Variants in SEC23B observed in about 807,000 individuals in gnomAD.
SEC23B encodes SEC23 homolog B, COPII component, also known as protein transport protein Sec23B.
In SEC23B, 77 loss-of-function variants were observed where a neutral mutation model predicts 104.3. That is an observed-to-expected ratio of 0.74 (90% CI 0.61 to 0.89). The LOEUF is 0.89. SEC23B is among the 40% of genes least tolerant of loss of function. The probability of loss-of-function intolerance (pLI) is 0.00; values close to 1 mark genes in which losing one functional copy is unlikely to be tolerated. For synonymous variants in SEC23B, 338 were observed against 332.5 expected, an observed-to-expected ratio of 1.02 and a Z score of -0.18; for missense variants, 885 against 949.4, an observed-to-expected ratio of 0.93 and a Z score of 0.89.
chr20:18,511,655 C>T (rs2059983345), intron 2 of SEC23B, among the ~76,000 whole-genome samples: 1 of 151,894 alleles, frequency 6.6e-6, no homozygotes, highest in Non-Finnish European at 1.5e-5. Context: ...ATTTAATGTG[C>T]CCATATGTGA....
Position 18,543,004 on chromosome 20 carries a change from C to T in SEC23B, c.1512-15C>T, listed in dbSNP as rs746854389. ...CTCCTAAACATAAGCATGGCACTAA[C>T]TCTGGAATTGTCAGTTGGGCAGATG... is the stretch of plus-strand genomic sequence containing the variant. On this transcript the variant is annotated splice_polypyrimidine_tract_variant and intron_variant, in intron 13 of 19. Coordinates refer to ENST00000650089, the MANE Select transcript of SEC23B (RefSeq NM_006363.6). 2 of 1,614,126 alleles carry T rather than the reference C, an allele frequency of 1.2e-6. No homozygotes were observed. Among genetic ancestry groups the T allele is most frequent in the South Asian group, 2.2e-5 (2 of 91,092 alleles).
intron 19 of SEC23B, among the ~76,000 whole-genome samples, chr20:18,556,386 C>A (rs977418714): frequency 9.9e-5 from 15 of 152,182 alleles, no homozygotes; most frequent in Non-Finnish European, 1.9e-4. Flanking sequence ...ACCATTCCCC[C>A]ACAGATACTG....
At chr20:18,556,851 G>C (rs755348108) in intron 19 of SEC23B, among the ~76,000 whole-genome samples, 10 of 152,124 alleles carry the variant, frequency 6.6e-5, no homozygotes, top group Non-Finnish European at 1.5e-4. Flanking sequence ...ACAAAAATTA[G>C]CTGGTGTGGT....
rs78554040 is a variant in SEC23B, at chr20:18,555,458, C to A, written c.2214+285C>A. 5.0e-3 allele frequency among the ~76,000 whole-genome samples: 762 copies of A among 152,152 alleles called. 9 individuals carry two copies. The highest frequency in any genetic ancestry group is 0.039 in the South Asian group (186 of 4,800). ...CTGTGGCCTCCATGGTGGTGTCCTC[C>A]GTCACACAGCCTCATGGCCCCTAGT... is the stretch of plus-strand genomic sequence containing the variant. On this transcript the variant is annotated intron_variant, in intron 19 of 19. Coordinates refer to ENST00000650089, the MANE Select transcript of SEC23B (RefSeq NM_006363.6).
intron 9 of SEC23B, among the ~76,000 whole-genome samples, chr20:18,529,612 C>G (rs560040233): frequency 1.3e-5 from 2 of 152,296 alleles, no homozygotes; most frequent in Non-Finnish European, 2.9e-5. Flanking sequence ...TGCTGGAGCT[C>G]TAGCCATTTA....
At chr20:18,539,369 G>A (rs1346469394) in intron 12 of SEC23B, among the ~76,000 whole-genome samples, 1 of 151,224 alleles carries the variant, frequency 6.6e-6, no homozygotes, top group African/African-American at 2.4e-5. Flanking sequence ...AATTAGCTGG[G>A]TGTGGTGGCG....
chr20:18,555,332 A>C (rs903092687), intron 19 of SEC23B, among the ~76,000 whole-genome samples, 159 bp downstream of exon 19: 10 of 151,866 alleles, frequency 6.6e-5, no homozygotes, highest in African/African-American at 1.9e-4. Flanking sequence ...CAAGTTGAAT[A>C]ACATTACTGG....
In SEC23B at chr20:18,548,589, T is replaced by A. The variant is rs3736775; in HGVS notation, c.1744-20T>A. The A allele has an allele frequency of 0.39, 627,592 of 1,608,286 alleles. 125,909 individuals are homozygous for A. Among genetic ancestry groups the A allele is most frequent in the South Asian group, 0.44 (40,361 of 90,900 alleles). On this transcript the variant is annotated intron_variant, in intron 15 of 19. Transcript: ENST00000650089. Reference sequence around the variant, plus strand: ...GGTTACAATTATATGCATTTCTCTTTCCGTTCTTTGTGAATGCAGTTTATG... The same window carrying A: ...GGTTACAATTATATGCATTTCTCTTACCGTTCTTTGTGAATGCAGTTTATG...
chr20:18,544,669 G>GT lies in SEC23B; in HGVS notation c.1666-1284dup, dbSNP rs917603705. Among the ~76,000 whole-genome samples the GT allele has an allele frequency of 5.9e-5, 9 of 152,310 alleles. No individual in the cohort carries two copies. The East Asian group carries it at 1.7e-3, about 29-fold the overall frequency. On this transcript the variant is annotated intron_variant, in intron 14 of 19. Coordinates refer to ENST00000650089, the MANE Select transcript of SEC23B (RefSeq NM_006363.6). ...ACGTGGCTGTGATTGTTAAGCGGGG[G>GT]TTTGATGTCAGCATGATGCTTGTGT...
At chr20:18,521,280 A>G (rs577593134) in intron 4 of SEC23B, among the ~76,000 whole-genome samples, 19 of 152,230 alleles carry the variant, frequency 1.2e-4, no homozygotes, top group African/African-American at 4.6e-4. Flanking sequence ...CTGGAATCTA[A>G]TTTTTGGAGC....
At chr20:18,558,178 C>G (rs2060458984) in intron 19 of SEC23B, among the ~76,000 whole-genome samples, 1 of 152,224 alleles carries the variant, frequency 6.6e-6, no homozygotes, top group South Asian at 2.1e-4. Context: ...TTCTGACTAA[C>G]AGCCCTTTTC....
chr20:18,552,919 T>C (rs888098000), intron 17 of SEC23B, among the ~76,000 whole-genome samples: 1 of 152,230 alleles, frequency 6.6e-6, no homozygotes, highest in African/African-American at 2.4e-5. Context: ...TGGGAAGATG[T>C]ACATCGGTTA....
At chr20:18,540,293 G>A (rs2060275924) in intron 12 of SEC23B, among the ~76,000 whole-genome samples, 1 of 152,246 alleles carries the variant, frequency 6.6e-6, no homozygotes, top group Non-Finnish European at 1.5e-5. Flanking sequence ...TAGCAGGCAT[G>A]AAAACGTTTA....
At chr20:18,547,314 A>G (rs768199456) in intron 15 of SEC23B, among the ~76,000 whole-genome samples, 1 of 152,094 alleles carries the variant, frequency 6.6e-6, no homozygotes, top group Non-Finnish European at 1.5e-5. Flanking sequence ...TCATGGGCTT[A>G]TTGGAAGGAT....
intron 10 of SEC23B, among the ~76,000 whole-genome samples, chr20:18,531,266 G>C (rs944243645): frequency 6.6e-6 from 1 of 152,208 alleles, no homozygotes; most frequent in East Asian, 1.9e-4. Context: ...GCAGCCACAC[G>C]GTGGTCTGCA....
chr20:18,555,281 CG>C (rs1400991157), intron 19 of SEC23B, 108 bp downstream of exon 19: 1 of 906,486 alleles, frequency 1.1e-6, no homozygotes, highest in Non-Finnish European at 1.8e-6. Flanking sequence ...AGAATAACTG[CG>C]TAAGTTGGGT....
intron 13 of SEC23B, among the ~76,000 whole-genome samples, chr20:18,542,726 C>A (rs1266113272): frequency 1.3e-5 from 2 of 152,178 alleles, no homozygotes; most frequent in Admixed American, 6.5e-5. Context: ...CCTCAACCTC[C>A]CATGCTCAAG....
At chr20:18,511,120 C>G in intron 2 of SEC23B, 64 bp downstream of exon 2, 1 of 1,338,092 alleles carries the variant, frequency 7.5e-7, no homozygotes, top group Non-Finnish European at 1.1e-6. Context: ...TTATGTGATG[C>G]TCATAAAAGT....
chr20:18,513,190 A>G (rs1042200172), intron 3 of SEC23B, among the ~76,000 whole-genome samples: 1 of 151,854 alleles, frequency 6.6e-6, no homozygotes, highest in Non-Finnish European at 1.5e-5. Context: ...CTCAAAATAA[A>G]ATAAAAAATT....
Sources: allele counts gnomAD v4.1 joint callset (sites outside exome capture counted in the v4.1 genomes callset), GRCh38; gene constraint gnomAD v4.1.1; transcripts MANE v1.5; gene names NCBI Gene and HGNC (gene_info 2026-07-23, HGNC 2026-07-21).